The following OTOGL variants were observed in gnomAD, a reference collection of about 807,000 sequenced individuals.
OTOGL encodes otogelin like.
A neutral mutation model predicts 318.5 loss-of-function variants in OTOGL; 285 were observed. The ratio of observed to expected loss-of-function variants is 0.89; its 90% CI spans 0.81 to 0.99. The LOEUF is 0.99. OTOGL is among the 50% of genes least tolerant of loss of function. OTOGL has a pLI of 0.00. For missense variants in OTOGL, 2,899 were observed against 2,845.6 expected (o/e 1.02, Z -0.43); for synonymous variants, 987 against 936.5 (o/e 1.05, Z -0.99).
chr12:80,203,859 A>G (rs1876628709), intron 1 of OTOGL, among the ~76,000 whole-genome samples: 1 of 152,180 alleles, frequency 6.6e-6, no homozygotes, highest in African/African-American at 2.4e-5. Context: ...AGAAAATATG[A>G]GATGCCGTGA....
intron 1 of OTOGL, among the ~76,000 whole-genome samples, chr12:80,110,408 C>T (rs1869766379): frequency 6.6e-6 from 1 of 152,070 alleles, no homozygotes; most frequent in East Asian, 1.9e-4. Context: ...CCCCTTGCTC[C>T]CCATCACCTG....
intron 1 of OTOGL, among the ~76,000 whole-genome samples, chr12:80,133,858 A>C: frequency 6.6e-6 from 1 of 151,926 alleles, no homozygotes; most frequent in Non-Finnish European, 1.5e-5. Context: ...GGAGGCTAAG[A>C]TGGGAGGTAG....
At chr12:80,122,261 GAAAT>G (rs145878968) in intron 1 of OTOGL, among the ~76,000 whole-genome samples, 3,777 of 152,170 alleles carry the variant, frequency 0.025, 158 homozygotes, top group African/African-American at 0.086. Flanking sequence ...AGCAAAAAAA[GAAAT>G]AAATACACTG....
Position 80,258,150 on chromosome 12 carries a change from C to T in OTOGL, c.1889+148C>T, listed in dbSNP as rs12307362. On this transcript the variant is annotated intron_variant, in intron 18 of 58. Transcript: ENST00000547103. ...GGATCATCGTATTTAAAATGTATAG[C>T]AATCTCTGATAAATATGTTTATTTT... The T allele has an allele frequency of 2.3e-3, 1,740 of 768,050 alleles. 31 individuals carry two copies. In the African/African-American group the frequency reaches 0.029, roughly 13 times the overall value. The allele number at this position is 768,050 out of a possible 1,614,324, so 47.6% of individuals were successfully genotyped here.
At chr12:80,139,472 T>A (rs1446484503) in intron 1 of OTOGL, among the ~76,000 whole-genome samples, 1 of 152,188 alleles carries the variant, frequency 6.6e-6, no homozygotes, top group Non-Finnish European at 1.5e-5. Flanking sequence ...CTTTTCTGTA[T>A]CTTGTGTTGG....
At chr12:80,216,467 C>G (rs1204582540) in intron 4 of OTOGL, among the ~76,000 whole-genome samples, 4 of 152,142 alleles carry the variant, frequency 2.6e-5, no homozygotes, top group African/African-American at 9.7e-5. Flanking sequence ...TAATAATCCA[C>G]AATTGATTAG....
At chr12:80,107,750 C>T (rs1300071762) in intron 1 of OTOGL, among the ~76,000 whole-genome samples, 2 of 152,016 alleles carry the variant, frequency 1.3e-5, no homozygotes, top group Non-Finnish European at 2.9e-5. Context: ...ACATATACAC[C>T]ATGGAATACT....
chr12:80,150,027 G>A (rs1278883570), intron 1 of OTOGL, among the ~76,000 whole-genome samples: 1 of 152,174 alleles, frequency 6.6e-6, no homozygotes, highest in Non-Finnish European at 1.5e-5. Context: ...CGTCGCTCAC[G>A]CTGGGAGCTG....
intron 29 of OTOGL, among the ~76,000 whole-genome samples, chr12:80,307,058 C>T (rs1446306822): frequency 6.7e-6 from 1 of 149,670 alleles, no homozygotes; most frequent in Non-Finnish European, 1.5e-5. Context: ...GCACATCTTG[C>T]ACCGCCCTTA....
chr12:80,141,278 C>A (rs1871922976), intron 1 of OTOGL, among the ~76,000 whole-genome samples: 1 of 151,908 alleles, frequency 6.6e-6, no homozygotes, highest in Admixed American at 6.6e-5. Flanking sequence ...TATCTTTTAG[C>A]CTCATTTGTG....
intron 1 of OTOGL, among the ~76,000 whole-genome samples, chr12:80,157,828 C>T (rs1873227708): frequency 6.6e-6 from 1 of 151,972 alleles, no homozygotes; most frequent in Admixed American, 6.6e-5. Flanking sequence ...TTGCTGCTCT[C>T]TGGCTTATCT....
chr12:80,352,250 G>T (rs749070401), intron 44 of OTOGL, 45 bp from the exon 45 acceptor site: 35 of 1,539,772 alleles, frequency 2.3e-5, no homozygotes, highest in Non-Finnish European at 2.9e-5. Flanking sequence ...GGCTTTCAGA[G>T]AAATAAAACA....
At chr12:80,129,399 A>C (rs1688020960) in intron 1 of OTOGL, among the ~76,000 whole-genome samples, 1 of 152,202 alleles carries the variant, frequency 6.6e-6, no homozygotes, top group Non-Finnish European at 1.5e-5. Context: ...ATGAGACAGC[A>C]TCTATCTAAT....
At chr12:80,123,745 T>C (rs1267039370) in intron 1 of OTOGL, among the ~76,000 whole-genome samples, 2 of 152,140 alleles carry the variant, frequency 1.3e-5, no homozygotes, top group African/African-American at 4.8e-5. Context: ...TGGTGTGAGA[T>C]GGTATCTCAT....
chr12:80,189,175 G>C (rs1230793079), intron 1 of OTOGL, among the ~76,000 whole-genome samples: 13 of 152,194 alleles, frequency 8.5e-5, no homozygotes, highest in Admixed American at 8.5e-4. Context: ...TTGGAAGAAG[G>C]AAGTATAGGA....
rs576673375 is a variant in OTOGL at position 80,294,508 on chromosome 12, TA to T, written c.2929-2317del. Among the ~76,000 whole-genome samples, 189 of 152,280 alleles carry T rather than the reference TA, an allele frequency of 1.2e-3. 2 individuals carry two copies. Among genetic ancestry groups the T allele is most frequent in the Non-Finnish European group, 2.0e-3 (137 of 68,004 alleles). ...GCTGAAAGGCAGAAAAGTATGACAT[TA>T]ATTTTTTGAGTAGTACAATGCCATA... is the stretch of plus-strand genomic sequence containing the variant. On this transcript the variant is annotated intron_variant, in intron 26 of 58. Transcript: ENST00000547103.
At chr12:80,260,958 TAGG>T in intron 18 of OTOGL, among the ~76,000 whole-genome samples, 1 of 152,150 alleles carries the variant, frequency 6.6e-6, no homozygotes, top group Admixed American at 6.6e-5. Flanking sequence ...GATTTTGTAC[TAGG>T]GTGTTTGTTG....
At chr12:80,308,139 G>A (rs1318608409) in intron 29 of OTOGL, among the ~76,000 whole-genome samples, 4 of 148,340 alleles carry the variant, frequency 2.7e-5, no homozygotes, top group East Asian at 2.1e-4. Flanking sequence ...CTGGCCGGGC[G>A]GGGGGCTGAC....
chr12:80,277,905 T>C (rs1409368307), intron 24 of OTOGL, among the ~76,000 whole-genome samples: 1 of 151,534 alleles, frequency 6.6e-6, no homozygotes, highest in Admixed American at 6.6e-5. Flanking sequence ...GGCTTCTGTC[T>C]TCCTTTCATG....
Sources: allele counts gnomAD v4.1 joint callset (sites outside exome capture counted in the v4.1 genomes callset), GRCh38; gene constraint gnomAD v4.1.1; transcripts MANE v1.5; gene names NCBI Gene and HGNC (gene_info 2026-07-23, HGNC 2026-07-21).